The following ACTR3C variants were observed in gnomAD, a reference collection of about 807,000 sequenced individuals.
The protein encoded by ACTR3C is actin-related protein 3C.
ACTR3C carries 18 observed loss-of-function variants against 26.3 expected under a neutral mutation model. The observed-to-expected ratio is 0.68, with a 90% confidence interval of 0.47 to 1.01. The LOEUF (loss-of-function observed/expected upper bound fraction) is 1.01. ACTR3C is among the 50% of genes least tolerant of loss of function. The pLI is 0.00. For synonymous variants in ACTR3C, 55 were observed against 94.5 expected, an observed-to-expected ratio of 0.58 and a Z score of 2.42; for missense variants, 184 against 250.7, an observed-to-expected ratio of 0.73 and a Z score of 1.80.
the ACTR3C span, among the ~76,000 whole-genome samples, chr7:149,943,633 C>T: frequency 6.6e-6 from 1 of 152,094 alleles, no homozygotes; most frequent in Non-Finnish European, 1.5e-5. Flanking sequence ...GAGGCTTGAA[C>T]CTAGGAAGCA....
chr7:149,926,953 C>G, the ACTR3C span, among the ~76,000 whole-genome samples: 1 of 152,232 alleles, frequency 6.6e-6, no homozygotes, highest in Admixed American at 6.5e-5. Flanking sequence ...CAATCTCACC[C>G]ACTCTTGCCC....
the ACTR3C span, among the ~76,000 whole-genome samples, chr7:150,035,931 C>T: frequency 7.4e-6 from 1 of 135,454 alleles, no homozygotes; most frequent in Non-Finnish European, 1.7e-5. Context: ...CCTCGCCCTC[C>T]TGCGATGGGG....
intron 6 of ACTR3C, among the ~76,000 whole-genome samples, chr7:150,263,831 T>C (rs951829364): frequency 1.3e-5 from 2 of 152,276 alleles, no homozygotes; most frequent in African/African-American, 4.8e-5. Flanking sequence ...CAGATTTTTC[T>C]TCTAAATAGC....
the ACTR3C span, among the ~76,000 whole-genome samples, chr7:149,901,270 A>C: frequency 6.6e-6 from 1 of 151,706 alleles, no homozygotes; most frequent in Non-Finnish European, 1.5e-5. Context: ...CTGTAACTTT[A>C]TTACAGTGGT....
At chr7:150,014,857 T>C in the ACTR3C span, among the ~76,000 whole-genome samples, 1 of 152,172 alleles carries the variant, frequency 6.6e-6, no homozygotes, top group African/African-American at 2.4e-5. Context: ...CTGCAATAAC[T>C]GGGATTTGAC....
the ACTR3C span, among the ~76,000 whole-genome samples, chr7:150,133,832 G>A: frequency 2.0e-5 from 3 of 152,208 alleles, no homozygotes; most frequent in East Asian, 3.9e-4. Context: ...TGACCTCCAC[G>A]GGCTCAGTGA....
intron 1 of ACTR3C, among the ~76,000 whole-genome samples, chr7:150,321,076 G>A (rs1267049522): frequency 6.6e-6 from 1 of 152,158 alleles, no homozygotes; most frequent in African/African-American, 2.4e-5. Context: ...GAATCCTGCT[G>A]AGTCAGTTCA....
At chr7:150,097,532 C>T in the ACTR3C span, among the ~76,000 whole-genome samples, 2 of 151,624 alleles carry the variant, frequency 1.3e-5, no homozygotes, top group East Asian at 3.9e-4. Flanking sequence ...CAGCATCAAC[C>T]TCACCTTTCC....
the ACTR3C span, among the ~76,000 whole-genome samples, chr7:150,043,683 C>T: frequency 2.0e-5 from 3 of 152,182 alleles, no homozygotes; most frequent in African/African-American, 7.2e-5. Flanking sequence ...AGCACTGGTC[C>T]TATTGGTGAT....
chr7:149,898,861 TCTATAC>T, the ACTR3C span, among the ~76,000 whole-genome samples: 2 of 152,132 alleles, frequency 1.3e-5, no homozygotes, highest in Non-Finnish European at 2.9e-5. Flanking sequence ...AAATATTTTG[TCTATAC>T]CTATGGAACA....
At chr7:149,994,131 A>G in the ACTR3C span, among the ~76,000 whole-genome samples, 2 of 152,322 alleles carry the variant, frequency 1.3e-5, no homozygotes, top group Non-Finnish European at 2.9e-5. Context: ...TTTGATCAAT[A>G]TGAAAGTGCA....
the ACTR3C span, among the ~76,000 whole-genome samples, chr7:150,179,418 G>GAA: frequency 0.13 from 15,658 of 118,006 alleles, 1,276 homozygotes; most frequent in South Asian, 0.2. Context: ...GACACAACAG[G>GAA]AAAAAAAAAA....
At chr7:150,169,472 C>T in the ACTR3C span, among the ~76,000 whole-genome samples, 7 of 149,598 alleles carry the variant, frequency 4.7e-5, no homozygotes, top group South Asian at 2.1e-4. Context: ...ATGAGGTGGC[C>T]GCCTATAAGC....
chr7:149,991,161 A>T, the ACTR3C span, among the ~76,000 whole-genome samples: 1 of 152,126 alleles, frequency 6.6e-6, no homozygotes, highest in Non-Finnish European at 1.5e-5. Flanking sequence ...AGTGCAGGGG[A>T]ACTCCCCTTT....
At chr7:150,149,817 G>T in the ACTR3C span, among the ~76,000 whole-genome samples, 6 of 152,054 alleles carry the variant, frequency 3.9e-5, no homozygotes, top group Admixed American at 3.9e-4. Flanking sequence ...TCCCAATGAG[G>T]TTATAAAGGT....
chr7:150,083,246 T>G, the ACTR3C span, among the ~76,000 whole-genome samples: 1 of 151,798 alleles, frequency 6.6e-6, no homozygotes, highest in African/African-American at 2.4e-5. Flanking sequence ...ATGCCCAGCC[T>G]CCTCTAGATA....
the ACTR3C span, among the ~76,000 whole-genome samples, chr7:149,937,717 G>A: frequency 6.6e-6 from 1 of 152,196 alleles, no homozygotes; most frequent in African/African-American, 2.4e-5. Context: ...AGGAACCACG[G>A]AGCAGGAGCT....
chr7:149,963,486 C>T, the ACTR3C span, among the ~76,000 whole-genome samples: 2 of 152,178 alleles, frequency 1.3e-5, no homozygotes. Context: ...CTCATTTATC[C>T]CCTCTCTCCA....
chr7:150,071,062 G>A, the ACTR3C span, among the ~76,000 whole-genome samples: 11 of 150,698 alleles, frequency 7.3e-5, no homozygotes, highest in African/African-American at 2.7e-4. Flanking sequence ...CCAAAGTGCT[G>A]GGATTACAGG....
Sources: gnomAD v4.1 joint callset for allele counts (sites outside exome capture counted in the v4.1 genomes callset) on GRCh38, gnomAD v4.1.1 for gene constraint, MANE v1.5 for transcripts, NCBI Gene and HGNC (gene_info 2026-07-23, HGNC 2026-07-21) for gene names.